SPMIP5: variants seen among roughly 807,000 people sequenced by gnomAD.
SPMIP5 encodes the protein sperm microtubule inner protein 5.
chr10:116,664,374 AC>A, the SPMIP5 span: 32 of 885,454 alleles, frequency 3.6e-5, no homozygotes, highest in Middle Eastern at 3.4e-4. Flanking sequence ...AAATATATGA[AC>A]ATGGTATGTT....
At chr10:116,666,223 G>A in the SPMIP5 span, among the ~76,000 whole-genome samples, 3 of 152,140 alleles carry the variant, frequency 2.0e-5, no homozygotes, top group Admixed American at 6.5e-5. Context: ...CTTCCCAAAT[G>A]CAATTTGGGA....
At chr10:116,666,919 TA>T in the SPMIP5 span, among the ~76,000 whole-genome samples, 1 of 152,236 alleles carries the variant, frequency 6.6e-6, no homozygotes, top group Non-Finnish European at 1.5e-5. Flanking sequence ...CTGGCTCCTT[TA>T]ATCCTCACAA....
the SPMIP5 span, chr10:116,664,748 A>C: frequency 6.2e-7 from 1 of 1,613,184 alleles, no homozygotes; most frequent in Non-Finnish European, 8.5e-7. Context: ...GTACGGACCC[A>C]AGCCAGACTC....
At chr10:116,668,393 G>GGAAT in the SPMIP5 span, 2 of 1,250,560 alleles carry the variant, frequency 1.6e-6, no homozygotes, top group East Asian at 4.6e-5. Context: ...TTACTATTGA[G>GGAAT]TGTGCACAAG....
At chr10:116,665,740 G>A in the SPMIP5 span, 254 of 1,613,978 alleles carry the variant, frequency 1.6e-4, no homozygotes, top group Non-Finnish European at 2.0e-4. Context: ...TCTTTATAGC[G>A]CTGTGTTTTC....
At chr10:116,668,760 T>C in the SPMIP5 span, among the ~76,000 whole-genome samples, 1 of 151,850 alleles carries the variant, frequency 6.6e-6, no homozygotes, top group African/African-American at 2.4e-5. Context: ...CAGACCTCCT[T>C]CTTGATCCAG....
the SPMIP5 span, chr10:116,664,588 G>C: frequency 1.6e-5 from 21 of 1,291,632 alleles, no homozygotes; most frequent in South Asian, 3.5e-4. Context: ...TGGGAGCAGA[G>C]GGCACCTGCC....
the SPMIP5 span, chr10:116,665,065 C>A: frequency 6.7e-7 from 1 of 1,487,602 alleles, no homozygotes; most frequent in Admixed American, 2.4e-5. Flanking sequence ...AGACCAGCAC[C>A]CTCTTCCCTA....
the SPMIP5 span, among the ~76,000 whole-genome samples, chr10:116,668,031 C>G: frequency 6.6e-6 from 1 of 152,226 alleles, no homozygotes; most frequent in Admixed American, 6.5e-5. Flanking sequence ...AGTGCTTCCT[C>G]TGCATACCAG....
At chr10:116,663,773 C>T in the SPMIP5 span, 2 of 1,024,736 alleles carry the variant, frequency 2.0e-6, no homozygotes, top group African/African-American at 1.6e-5. Context: ...GTCAACCACT[C>T]AGGATGCAGG....
chr10:116,667,335 T>C, the SPMIP5 span, among the ~76,000 whole-genome samples: 3 of 152,246 alleles, frequency 2.0e-5, no homozygotes, highest in Non-Finnish European at 4.4e-5. Flanking sequence ...GCCTCAGAAC[T>C]GTGAGGGAAT....
the SPMIP5 span, chr10:116,664,153 G>T: frequency 6.2e-7 from 1 of 1,614,096 alleles, no homozygotes; most frequent in Non-Finnish European, 8.5e-7. Context: ...TAGTAGGAAG[G>T]AAAGAGACAT....
the SPMIP5 span, chr10:116,664,772 T>A: frequency 1.2e-6 from 2 of 1,614,016 alleles, no homozygotes; most frequent in Non-Finnish European, 1.7e-6. Flanking sequence ...CTTCATATGG[T>A]TTCAGATGTG....
the SPMIP5 span, among the ~76,000 whole-genome samples, chr10:116,669,763 G>A: frequency 6.6e-6 from 1 of 152,174 alleles, no homozygotes; most frequent in Non-Finnish European, 1.5e-5. Flanking sequence ...CTCAGGGACA[G>A]GATATGTTGC....
the SPMIP5 span, among the ~76,000 whole-genome samples, chr10:116,666,484 G>A: frequency 6.6e-6 from 1 of 151,106 alleles, no homozygotes; most frequent in African/African-American, 2.4e-5. Flanking sequence ...AACAAATGAG[G>A]AAAACTGGTT....
the SPMIP5 span, chr10:116,664,941 T>C: frequency 2.5e-6 from 4 of 1,611,136 alleles, no homozygotes; most frequent in African/African-American, 4.0e-5. Flanking sequence ...CTTTACATAT[T>C]TGCATTCTGT....
chr10:116,669,455 C>CACCT, the SPMIP5 span, among the ~76,000 whole-genome samples: 6 of 152,304 alleles, frequency 3.9e-5, no homozygotes, highest in South Asian at 6.2e-4. Context: ...CCATACTGAC[C>CACCT]ACCTGCTTAC....
chr10:116,667,840 A>G, the SPMIP5 span, among the ~76,000 whole-genome samples: 1 of 152,246 alleles, frequency 6.6e-6, no homozygotes, highest in Non-Finnish European at 1.5e-5. Flanking sequence ...GCAGTTGGCC[A>G]GCCTTCCTTT....
chr10:116,667,453 G>A, the SPMIP5 span, among the ~76,000 whole-genome samples: 1 of 152,206 alleles, frequency 6.6e-6, no homozygotes, highest in South Asian at 2.1e-4. Context: ...AGAGAGGCAA[G>A]TTACTTACAG....
Sources: allele counts gnomAD v4.1 joint callset (sites outside exome capture counted in the v4.1 genomes callset), GRCh38; gene constraint gnomAD v4.1.1; transcripts MANE v1.5; gene names NCBI Gene and HGNC (gene_info 2026-07-23, HGNC 2026-07-21).